The following COQ9 variants were observed in gnomAD, a reference collection of about 807,000 sequenced individuals.
COQ9 encodes the protein coenzyme Q9.
COQ9 carries 35 observed loss-of-function variants against 42.4 expected under a neutral mutation model. That is an observed-to-expected ratio of 0.83 (90% CI 0.63 to 1.10). COQ9 has a LOEUF of 1.10. Ranked by LOEUF, COQ9 falls within the 50% of genes least tolerant of loss-of-function variation. COQ9 has a pLI of 0.00. For synonymous variants in COQ9, 155 were observed against 155.1 expected, an observed-to-expected ratio of 1.00 and a Z score of 0.00; for missense variants, 406 against 414.6, an observed-to-expected ratio of 0.98 and a Z score of 0.18.
Position 57,461,003 on chromosome 16 carries a change from T to C in COQ9, c.*379T>C. On this transcript the variant is annotated 3_prime_UTR_variant, in exon 9 of 9. Transcript: ENST00000262507. ...TAACCTTGGGGCTCCCAAGCCAGAG[T>C]CAAGGTCTGACGCCACCTCAAGGTG... The C allele has an allele frequency of 2.8e-6, 1 of 362,152 alleles. No homozygotes were observed. The highest frequency in any genetic ancestry group is 7.2e-5 in the East Asian group (1 of 13,804). 22.4% of individuals were successfully genotyped at this position (362,152 alleles called of 1,614,324 possible). A position where few individuals can be genotyped will look rare whatever the true frequency, so the allele number is the denominator to read the frequency against.
chr16:57,448,495 C>T (rs1172137959), intron 1 of COQ9, among the ~76,000 whole-genome samples: 2 of 152,038 alleles, frequency 1.3e-5, no homozygotes, highest in Non-Finnish European at 2.9e-5. Flanking sequence ...ACAATCTCGG[C>T]TCACTGCAGC....
At chr16:57,455,418 A>T (rs1360001688) in intron 3 of COQ9, among the ~76,000 whole-genome samples, 4 of 140,308 alleles carry the variant, frequency 2.9e-5, no homozygotes, top group Admixed American at 7.2e-5. Flanking sequence ...TATATATATA[A>T]AATAATTATG....
intron 5 of COQ9, 114 bp from the exon 6 acceptor site, chr16:57,458,132 C>CA: frequency 6.4e-6 from 5 of 784,166 alleles, no homozygotes; most frequent in Non-Finnish European, 1.1e-5. Flanking sequence ...ATGCTGGTCT[C>CA]AGAGAACCAG....
intron 6 of COQ9, 70 bp from the exon 7 acceptor site, chr16:57,459,495 C>G (rs2030479134): frequency 6.5e-7 from 1 of 1,549,178 alleles, no homozygotes; most frequent in Non-Finnish European, 8.9e-7. Context: ...CCCAGGAGTT[C>G]CCATGGCCTT....
At chr16:57,454,745 G>A (rs188403488) in intron 3 of COQ9, among the ~76,000 whole-genome samples, 1 of 152,292 alleles carries the variant, frequency 6.6e-6, no homozygotes, top group Admixed American at 6.5e-5. Context: ...CTGACTTTGT[G>A]GGTAGGAGAT....
At chr16:57,450,157 G>A (rs1324586878) in intron 1 of COQ9, among the ~76,000 whole-genome samples, 1 of 152,208 alleles carries the variant, frequency 6.6e-6, no homozygotes, top group African/African-American at 2.4e-5. Context: ...GCTCACGCCT[G>A]TAATCCTAGC....
chr16:57,460,722 C>T lies in COQ9; in HGVS notation c.*98C>T. Reference sequence around the variant, plus strand: ...GGTGCCATCCACATAACCTGGTGTTCACGAGAACACACTAAAGGACTCCTG... The same window carrying T: ...GGTGCCATCCACATAACCTGGTGTTTACGAGAACACACTAAAGGACTCCTG... On this transcript the variant is annotated 3_prime_UTR_variant, in exon 9 of 9. Coordinates refer to ENST00000262507, the MANE Select transcript of COQ9 (RefSeq NM_020312.4). 8.9e-7 allele frequency: 1 copy of T among 1,123,140 alleles called. No homozygotes were observed. The highest frequency in any genetic ancestry group is 1.3e-6 in the Non-Finnish European group (1 of 746,360). 69.6% of individuals were successfully genotyped at this position (1,123,140 alleles called of 1,614,324 possible).
chr16:57,455,582 AGT>A (rs369888583), intron 3 of COQ9, among the ~76,000 whole-genome samples: 150 of 151,992 alleles, frequency 9.9e-4, no homozygotes, highest in Middle Eastern at 3.4e-3. Flanking sequence ...AAAGCAGGAG[AGT>A]GTGGATTAAG....
intron 3 of COQ9, among the ~76,000 whole-genome samples, chr16:57,454,682 GGGT>G (rs2030362242): frequency 6.6e-6 from 1 of 152,192 alleles, no homozygotes; most frequent in South Asian, 2.1e-4. Flanking sequence ...GTGGGTAACA[GGGT>G]GGTCAGGAAA....
chr16:57,456,069 AAAAG>A (rs1490417983), intron 3 of COQ9, among the ~76,000 whole-genome samples: 2 of 151,958 alleles, frequency 1.3e-5, no homozygotes, highest in African/African-American at 4.8e-5. Flanking sequence ...GTAAAAAGAA[AAAAG>A]AAAGAAACAA....
At chr16:57,458,484 G>C in intron 6 of COQ9, 134 bp downstream of exon 6, 1 of 726,938 alleles carries the variant, frequency 1.4e-6, no homozygotes, top group Non-Finnish European at 2.4e-6. Context: ...TAAGGTATGA[G>C]GAAGGTCCGT....
intron 2 of COQ9, among the ~76,000 whole-genome samples, chr16:57,451,866 A>C (rs1716889039): frequency 6.6e-6 from 1 of 152,236 alleles, no homozygotes; most frequent in South Asian, 2.1e-4. Context: ...AATATGATAA[A>C]GTGTGTGAAT....
intron 3 of COQ9, among the ~76,000 whole-genome samples, chr16:57,455,356 C>CATAG: frequency 7.0e-6 from 1 of 143,338 alleles, no homozygotes; most frequent in South Asian, 2.2e-4. Flanking sequence ...CACATTTGGG[C>CATAG]ATATATATAT....
chr16:57,459,373 G>A (rs2030476048), intron 6 of COQ9, among the ~76,000 whole-genome samples, 192 bp from the exon 7 acceptor site: 1 of 152,182 alleles, frequency 6.6e-6, no homozygotes, highest in African/African-American at 2.4e-5. Flanking sequence ...GGGCCCAGGA[G>A]CTTGCATTTT....
chr16:57,454,966 T>C (rs1485672113), intron 3 of COQ9, among the ~76,000 whole-genome samples: 2 of 152,126 alleles, frequency 1.3e-5, no homozygotes, highest in African/African-American at 4.8e-5. Flanking sequence ...CAATTGAAGA[T>C]ATTGGATTAA....
Position 57,460,644 on chromosome 16 carries a change from C to T in COQ9, c.*20C>T. The T allele has an allele frequency of 6.2e-7, 1 of 1,609,710 alleles. No individual in the cohort carries two copies. The highest frequency in any genetic ancestry group is 1.7e-5 in the Admixed American group (1 of 60,012). ...CGGTGAGAGGAAGGGGTATAAGCTA[C>T]AATGCCTAGAAGAGAATGAGCGGAC... On this transcript the variant is annotated 3_prime_UTR_variant, in exon 9 of 9. Transcript: ENST00000262507.
chr16:57,460,561 A>G (rs774322204), intron 8 of COQ9, 28 bp from the exon 9 acceptor site: 3 of 1,612,322 alleles, frequency 1.9e-6, no homozygotes, highest in Non-Finnish European at 2.5e-6. Flanking sequence ...AGCCCTCACT[A>G]TTCTCTTTAT....
rs749089345 is a variant in COQ9 at position 57,456,591 on chromosome 16, C to G, written c.466C>G (p.Arg156Gly). Residue 156 changes from arginine (R) to glycine (G), a missense_variant, in exon 4 of 9, where the codon CGG becomes GGG. Transcript: ENST00000262507. ...GCATTTTGTGACCCAGTGCAATACC[C>G]GGCTCACACGTGTGCTAGAAGAGGA... ...ILHFVTQCNT[R>G]LTRVLEEEQK... 1 of 1,614,146 alleles carries G rather than the reference C, an allele frequency of 6.2e-7. No individual in the cohort carries two copies. Among genetic ancestry groups the G allele is most frequent in the African/African-American group, 1.3e-5 (1 of 75,046 alleles).
At chr16:57,458,916 A>C (rs2030465012) in intron 6 of COQ9, among the ~76,000 whole-genome samples, 1 of 152,272 alleles carries the variant, frequency 6.6e-6, no homozygotes, top group Non-Finnish European at 1.5e-5. Flanking sequence ...ATGAGGAGGC[A>C]CAGAAATACT....
Sources: gnomAD v4.1 joint callset for allele counts (sites outside exome capture counted in the v4.1 genomes callset) on GRCh38, gnomAD v4.1.1 for gene constraint, MANE v1.5 for transcripts, NCBI Gene and HGNC (gene_info 2026-07-23, HGNC 2026-07-21) for gene names.